Variants in CCDC144A observed in about 807,000 individuals in gnomAD.
CCDC144A encodes the protein coiled-coil domain containing 144A, also known as coiled-coil domain-containing protein 144A.
In CCDC144A, 41 loss-of-function variants were observed where a neutral mutation model predicts 143.8. The ratio of observed to expected loss-of-function variants is 0.29; its 90% confidence interval spans 0.22 to 0.37. CCDC144A has a LOEUF of 0.37. Ranked by LOEUF, CCDC144A falls within the 10% of genes least tolerant of loss-of-function variation. The pLI, the probability that CCDC144A is intolerant of heterozygous loss-of-function variation, is 1.00. For synonymous variants in CCDC144A, 242 were observed against 517.9 expected, an observed-to-expected ratio of 0.47 and a Z score of 7.23; for missense variants, 637 against 1,488.8, an observed-to-expected ratio of 0.43 and a Z score of 9.41.
In CCDC144A at chr17:16,711,708, T is replaced by C; in HGVS notation, c.1608T>C (p.Ser536=). Residue 536 remains serine (S), a synonymous_variant, in exon 6 of 17, where the codon AGT becomes AGC. Transcript: ENST00000399273. ...DVEEEMEKHR[S]NSTELSGTLT... is the part of the protein sequence containing the mutation. ...AAGAAGAAATGGAGAAGCACAGAAG[T>C]AATAGCACAGAATTATCAGGAACCC... is the stretch of plus-strand genomic sequence containing the variant. 1.9e-6 allele frequency: 3 copies of C among 1,599,200 alleles called. No homozygotes were observed. The highest frequency in any genetic ancestry group is 3.4e-5 in the Admixed American group (2 of 59,698).
intron 12 of CCDC144A, among the ~76,000 whole-genome samples, chr17:16,753,432 T>TTTGTTGTTGTTGTTG (rs1439429855): frequency 0.019 from 2,354 of 122,484 alleles, 43 homozygotes; most frequent in East Asian, 0.053. Context: ...TTTGTAGTTT[T>TTTGTTGTTGTTGTTG]TTTTTTTTTT....
At position 16,709,032 on chromosome 17, in the gene CCDC144A, A is replaced by G; in HGVS notation, c.975A>G (p.Thr325=). 1.2e-6 allele frequency: 2 copies of G among 1,611,702 alleles called. No homozygotes were observed. Among genetic ancestry groups the G allele is most frequent in the Non-Finnish European group, 8.5e-7 (1 of 1,179,638 alleles). ...AAGAGCCACTACTTGATAACTCTAC[A>G]AGAGGAACAGATGTAAAGGATATTC... ...PEEEPLLDNS[T]RGTDVKDIPF... The change falls in exon 5 of 17, where the codon ACA becomes ACG. Residue 325 remains threonine, a synonymous_variant. Coordinates refer to ENST00000399273, the MANE Select transcript of CCDC144A (RefSeq NM_001382000.1).
At chr17:16,696,105 C>G (rs1181791978) in intron 2 of CCDC144A, among the ~76,000 whole-genome samples, 1 of 152,172 alleles carries the variant, frequency 6.6e-6, no homozygotes, top group Admixed American at 6.5e-5. Context: ...ACCTCCGCCT[C>G]CCGAGTTCAA....
Position 16,709,151 on chromosome 17 carries a change from A to G in CCDC144A, c.1094A>G (p.Lys365Arg). The G allele has an allele frequency of 6.2e-7, 1 of 1,611,718 alleles. No individual in the cohort carries two copies. The highest frequency in any genetic ancestry group is 8.5e-7 in the Non-Finnish European group (1 of 1,179,652). ...SVVFETFPEQ[K>R]EPSLKNIIHP... is the part of the protein sequence containing the mutation. ...GTATTCGAGACATTTCCTGAACAAAAAGAACCCAGTCTCAAAAATATCATC... is the reference window on the plus strand; with the variant it reads ...GTATTCGAGACATTTCCTGAACAAAGAGAACCCAGTCTCAAAAATATCATC... The change falls in exon 5 of 17, where the codon AAA becomes AGA. Residue 365 changes from lysine (K) to arginine (R), a missense_variant. Transcript: ENST00000399273.
chr17:16,684,097 G>A, the CCDC144A span: 7 of 1,028,912 alleles, frequency 6.8e-6, no homozygotes, highest in Non-Finnish European at 1.1e-5. Context: ...GTATGTTTAC[G>A]ATAAATGGTA....
rs1916030498 is a variant in CCDC144A at position 16,777,243 on chromosome 17, G to A, written c.*3610G>A. 6.9e-6 allele frequency: 1 copy of A among 145,320 alleles called. No homozygotes were observed. Among genetic ancestry groups the A allele is most frequent in the East Asian group, 2.1e-4 (1 of 4,862 alleles). The allele number at this position is 145,320 out of a possible 1,614,324, so 9.0% of individuals were successfully genotyped here. On this transcript the variant is annotated 3_prime_UTR_variant, in exon 17 of 17. Coordinates refer to ENST00000399273, the MANE Select transcript of CCDC144A (RefSeq NM_001382000.1). ...ACTACTAGACATAAGAAATGAGGTA[G>A]TTGGCAACACAATAATAGTGGGGGA...
At chr17:16,717,043 C>T (rs922778701) in intron 6 of CCDC144A, among the ~76,000 whole-genome samples, 2 of 151,440 alleles carry the variant, frequency 1.3e-5, no homozygotes, top group East Asian at 1.9e-4. Context: ...CCTCATGATC[C>T]GCCCGCCTCG....
At chr17:16,750,499 C>T (rs1335700624) in intron 12 of CCDC144A, among the ~76,000 whole-genome samples, 1 of 149,748 alleles carries the variant, frequency 6.7e-6, no homozygotes, top group African/African-American at 2.5e-5. Context: ...TTTTTCCTTT[C>T]GTGTTGACCT....
At chr17:16,737,428 A>G in intron 12 of CCDC144A, 1 of 1,147,346 alleles carries the variant, frequency 8.7e-7, no homozygotes, top group Non-Finnish European at 1.1e-6. Flanking sequence ...GGCCTCCCAA[A>G]GTGCTGGGAT....
upstream of CCDC144A, among the ~76,000 whole-genome samples, chr17:16,689,208 T>G (rs754187900): frequency 1.3e-5 from 2 of 152,146 alleles, no homozygotes; most frequent in Non-Finnish European, 2.9e-5. Flanking sequence ...TTTTCTTTCT[T>G]TTTTTGAGAC....
At chr17:16,723,913 T>C (rs1913237284) in intron 8 of CCDC144A, among the ~76,000 whole-genome samples, 1 of 152,126 alleles carries the variant, frequency 6.6e-6, no homozygotes, top group Admixed American at 6.5e-5. Context: ...GTTTCTTCTC[T>C]TTTTTTAGTT....
At chr17:16,748,354 T>C (rs909181091) in intron 12 of CCDC144A, among the ~76,000 whole-genome samples, 1 of 152,254 alleles carries the variant, frequency 6.6e-6, no homozygotes, top group Non-Finnish European at 1.5e-5. Context: ...GTTGATCATA[T>C]GGTTTTTAGT....
chr17:16,671,719 A>T, the CCDC144A span, among the ~76,000 whole-genome samples: 1 of 152,206 alleles, frequency 6.6e-6, no homozygotes, highest in Non-Finnish European at 1.5e-5. Flanking sequence ...TGAAACTAAA[A>T]TTAAGGTAAT....
At position 16,773,495 on chromosome 17, in the gene CCDC144A, A is replaced by G. The variant is rs1350420043; in HGVS notation, c.4142-2A>G. 1 of 1,538,994 alleles carries G rather than the reference A, an allele frequency of 6.5e-7. No individual in the cohort carries two copies. Among genetic ancestry groups the G allele is most frequent in the Admixed American group, 2.0e-5 (1 of 49,594 alleles). The stretch of plus-strand genomic sequence containing the variant: ...TAATATAATTCTTGCTTTTTTTTTC[A>G]GCTGCTACTAAATATGAACCTGGAT... On this transcript the variant is annotated splice_acceptor_variant, in intron 16 of 16. Transcript: ENST00000399273. LOFTEE classifies it high-confidence loss of function.
intron 2 of CCDC144A, among the ~76,000 whole-genome samples, chr17:16,693,627 T>C (rs980479398): frequency 6.6e-6 from 1 of 152,240 alleles, no homozygotes; most frequent in African/African-American, 2.4e-5. Context: ...GAAAAAGATA[T>C]TTTTGAGTTA....
intron 12 of CCDC144A, among the ~76,000 whole-genome samples, chr17:16,740,567 G>A (rs1847580): frequency 0.094 from 14,332 of 152,250 alleles, 890 homozygotes; most frequent in Non-Finnish European, 0.13. Flanking sequence ...ATAAAGATGA[G>A]ATGCTCTTCT....
chr17:16,683,667 G>A, the CCDC144A span: 1 of 1,606,856 alleles, frequency 6.2e-7, no homozygotes, highest in South Asian at 1.1e-5. Context: ...AAGCCCGGAA[G>A]TTTCAGAAGG....
At chr17:16,736,235 CTTTTT>C (rs71214289) in intron 12 of CCDC144A, among the ~76,000 whole-genome samples, 1 of 98,182 alleles carries the variant, frequency 1.0e-5, no homozygotes, top group Non-Finnish European at 2.2e-5. Context: ...AAGGCATTTA[CTTTTT>C]TTTTTTTTTT....
chr17:16,757,301 G>T (rs1378768965), intron 12 of CCDC144A, among the ~76,000 whole-genome samples: 1 of 152,258 alleles, frequency 6.6e-6, no homozygotes, highest in African/African-American at 2.4e-5. Flanking sequence ...GGAACATTTA[G>T]GTGGGTACCT....
Sources: allele counts gnomAD v4.1 joint callset (sites outside exome capture counted in the v4.1 genomes callset), GRCh38; gene constraint gnomAD v4.1.1; transcripts MANE v1.5; gene names NCBI Gene and HGNC (gene_info 2026-07-23, HGNC 2026-07-21).